The following GLIS3 variants were observed in gnomAD, a reference collection of about 807,000 sequenced individuals.
The protein encoded by GLIS3 is GLIS family zinc finger 3, also known as zinc finger protein GLIS3.
GLIS3 carries 53 observed loss-of-function variants against 78.6 expected under a neutral mutation model. The observed-to-expected ratio is 0.67, with a 90% CI of 0.54 to 0.85. The LOEUF (loss-of-function observed/expected upper bound fraction) is 0.85. GLIS3 is among the 40% of genes least tolerant of loss of function. GLIS3 has a pLI of 0.00. For missense variants in GLIS3, 1,703 were observed against 1,231.1 expected (o/e 1.38, Z -5.74); for synonymous variants, 684 against 509.9 (o/e 1.34, Z -4.60).
intron 4 of GLIS3, among the ~76,000 whole-genome samples, chr9:4,092,936 T>C (rs562380412): frequency 1.2e-4 from 19 of 152,218 alleles, no homozygotes; most frequent in Non-Finnish European, 2.5e-4. Flanking sequence ...CACACCAGAA[T>C]CACCCCCATG....
rs1472315139 is a variant in GLIS3 at position 4,076,280 on chromosome 9, C to A, written c.1710+41488G>T. On this transcript the variant is annotated intron_variant, in intron 4 of 10. Coordinates refer to ENST00000381971, the MANE Select transcript of GLIS3 (RefSeq NM_001042413.2). ...ATTTTAAATGATTATAAATTTACCA[C>A]GGAGTAACATAATTGCAAAAGAAAA... Among the ~76,000 whole-genome samples the A allele has an allele frequency of 3.3e-5, 5 of 152,242 alleles. No individual in the cohort carries two copies. In the South Asian group the frequency reaches 1.0e-3, roughly 32 times the overall value.
Position 3,828,403 on chromosome 9 carries a change from C to A in GLIS3, c.2662G>T (p.Asp888Tyr), listed in dbSNP as rs779979488. 6.2e-7 allele frequency: 1 copy of A among 1,613,116 alleles called. No homozygotes were observed. Among genetic ancestry groups the A allele is most frequent in the Non-Finnish European group, 8.5e-7 (1 of 1,180,000 alleles). Residue 888 changes from aspartate (D) to tyrosine (Y), a missense_variant, in exon 11 of 11, where the codon GAT (aspartate) becomes TAT (tyrosine). Transcript: ENST00000381971. ...AGGCTCGAGGAACTTGAAGGTAAAT[C>A]ATACACTGGAAGAGAAAGAACGCAG... is the stretch of plus-strand genomic sequence containing the variant. ...FSTHSGITVY[D>Y]LPSSSSSLFG...
At chr9:3,897,519 C>A (rs1350400541) in intron 7 of GLIS3, among the ~76,000 whole-genome samples, 1 of 151,976 alleles carries the variant, frequency 6.6e-6, no homozygotes, top group African/African-American at 2.4e-5. Context: ...TGTATATGAA[C>A]CTGTACCTGA....
chr9:3,947,354 T>C (rs904186487), intron 4 of GLIS3, among the ~76,000 whole-genome samples: 1 of 152,252 alleles, frequency 6.6e-6, no homozygotes, highest in African/African-American at 2.4e-5. Context: ...ACTGAGAAAC[T>C]GTTTGCGGGT....
At chr9:4,091,158 C>G (rs1477387917) in intron 4 of GLIS3, among the ~76,000 whole-genome samples, 1 of 151,926 alleles carries the variant, frequency 6.6e-6, no homozygotes, top group African/African-American at 2.4e-5. Context: ...AGGTGGAGAC[C>G]AGCCTGGTAA....
intron 4 of GLIS3, among the ~76,000 whole-genome samples, chr9:4,307,090 A>G (rs368969079): frequency 8.5e-5 from 13 of 152,188 alleles, no homozygotes; most frequent in African/African-American, 3.1e-4. Context: ...ACTCACATTT[A>G]TTAGGGGCTT....
intron 4 of GLIS3, among the ~76,000 whole-genome samples, chr9:4,094,900 T>A (rs1327542757): frequency 1.3e-5 from 2 of 152,328 alleles, no homozygotes; most frequent in African/African-American, 4.8e-5. Flanking sequence ...TAATTTTATT[T>A]TTATTTAACA....
intron 4 of GLIS3, among the ~76,000 whole-genome samples, chr9:4,047,711 G>A (rs4741879): frequency 0.3 from 45,489 of 151,862 alleles, 8,392 homozygotes; most frequent in Middle Eastern, 0.44. Context: ...GGTGGGAGTC[G>A]GCTCAGTGTG....
At chr9:4,054,395 G>C (rs1051037747) in intron 4 of GLIS3, 6 of 985,232 alleles carry the variant, frequency 6.1e-6, no homozygotes, top group African/African-American at 5.2e-5. Context: ...CAAGCTCAGA[G>C]GAACCATCTG....
the GLIS3 span, among the ~76,000 whole-genome samples, chr9:4,453,952 A>G: frequency 6.6e-6 from 1 of 152,162 alleles, no homozygotes; most frequent in Non-Finnish European, 1.5e-5. Flanking sequence ...CCTATGTAAC[A>G]AACCTGCACG....
chr9:3,854,873 C>G (rs1028514205), intron 9 of GLIS3, among the ~76,000 whole-genome samples: 1 of 152,108 alleles, frequency 6.6e-6, no homozygotes, highest in East Asian at 1.9e-4. Context: ...AAGCCTAGCT[C>G]CATAGTACTA....
At chr9:4,136,700 G>A (rs1258560811) in intron 2 of GLIS3, among the ~76,000 whole-genome samples, 3 of 152,288 alleles carry the variant, frequency 2.0e-5, no homozygotes, top group Middle Eastern at 3.4e-3. Context: ...GAAACGAAAG[G>A]GAGGAGGCAC....
At chr9:4,107,635 T>C (rs186292439) in intron 4 of GLIS3, among the ~76,000 whole-genome samples, 11 of 152,270 alleles carry the variant, frequency 7.2e-5, no homozygotes, top group African/African-American at 2.2e-4. Context: ...CCTCTTTAAA[T>C]ATCATGTTAC....
At chr9:4,113,650 A>C (rs989954723) in intron 4 of GLIS3, among the ~76,000 whole-genome samples, 1 of 152,226 alleles carries the variant, frequency 6.6e-6, no homozygotes. Flanking sequence ...AAGGCCTTCC[A>C]CAGCTTACAA....
At chr9:3,917,598 A>G (rs1054803117) in intron 6 of GLIS3, among the ~76,000 whole-genome samples, 1 of 148,106 alleles carries the variant, frequency 6.8e-6, no homozygotes, top group African/African-American at 2.5e-5. Flanking sequence ...TACTCCATCC[A>G]TTATTTTTTT....
chr9:4,268,913 A>G (rs961198355), intron 2 of GLIS3, among the ~76,000 whole-genome samples: 5 of 152,184 alleles, frequency 3.3e-5, no homozygotes, highest in South Asian at 4.1e-4. Flanking sequence ...TGCAGCTACT[A>G]TCTACACATT....
In GLIS3 at chr9:4,118,070, G is replaced by A. The variant is rs773517088; in HGVS notation, c.1408C>T (p.His470Tyr). Residue 470 changes from histidine to tyrosine, a missense_variant, in exon 4 of 11, where the codon CAC (histidine) becomes TAC (tyrosine). His to Tyr is a moderately conservative substitution (Grantham distance 83). Coordinates refer to ENST00000381971, the MANE Select transcript of GLIS3 (RefSeq NM_001042413.2). The surrounding 1 kb of genome is among the most constrained non-coding windows in gnomAD (Gnocchi z 4.7). ...PPYHAHAHLH[H>Y]PELGPHAQQL... is the part of the protein sequence containing the mutation. ...TGGGCGTGGGGCCCGAGCTCCGGGTGGTGAAGGTGCGCATGGGCATGGTAA... is the reference window on the plus strand; with the variant it reads ...TGGGCGTGGGGCCCGAGCTCCGGGTAGTGAAGGTGCGCATGGGCATGGTAA... 3.2e-6 allele frequency: 5 copies of A among 1,576,572 alleles called. No individual in the cohort carries two copies. Among genetic ancestry groups the A allele is most frequent in the Non-Finnish European group, 4.3e-6 (5 of 1,161,522 alleles).
At chr9:4,016,301 A>C (rs1822433869) in intron 4 of GLIS3, among the ~76,000 whole-genome samples, 1 of 151,950 alleles carries the variant, frequency 6.6e-6, no homozygotes, top group Non-Finnish European at 1.5e-5. Flanking sequence ...AGTCAGGAAG[A>C]CTCCAAAACT....
intron 2 of GLIS3, among the ~76,000 whole-genome samples, chr9:4,248,884 T>G (rs1235358789): frequency 6.6e-6 from 1 of 152,240 alleles, no homozygotes; most frequent in African/African-American, 2.4e-5. Context: ...ATAAATGTCT[T>G]CTTTTGAGAA....
Sources: allele counts gnomAD v4.1 joint callset (sites outside exome capture counted in the v4.1 genomes callset), GRCh38; gene constraint gnomAD v4.1.1; non-coding constraint Gnocchi (gnomAD v3.1); transcripts MANE v1.5; gene names NCBI Gene and HGNC (gene_info 2026-07-23, HGNC 2026-07-21).